FAT3: variants seen among roughly 807,000 people sequenced by gnomAD.
The protein encoded by FAT3 is protocadherin Fat 3.
A neutral mutation model predicts 310.2 loss-of-function variants in FAT3; 95 were observed. That is an observed-to-expected ratio of 0.31 (90% CI 0.26 to 0.36). The LOEUF is 0.36. FAT3 is among the 10% of genes least tolerant of loss of function. The pLI is 1.00. For synonymous variants in FAT3, 2,314 were observed against 2,192.9 expected (o/e 1.06, Z -1.54); for missense variants, 5,408 against 5,715.6 (o/e 0.95, Z 1.74).
chr11:92,551,873 T>C (rs977521562), intron 3 of FAT3, among the ~76,000 whole-genome samples: 1 of 152,214 alleles, frequency 6.6e-6, no homozygotes, highest in African/African-American at 2.4e-5. Context: ...GTGTATAAGA[T>C]AAATCTGTCT....
intron 2 of FAT3, among the ~76,000 whole-genome samples, chr11:92,383,844 A>G (rs58459353): frequency 0.015 from 2,239 of 152,324 alleles, 56 homozygotes; most frequent in African/African-American, 0.052. Context: ...AGAATTAAAA[A>G]GAGTGAGAGA....
At chr11:92,774,808 G>A (rs1842826869) in intron 7 of FAT3, among the ~76,000 whole-genome samples, 1 of 152,158 alleles carries the variant, frequency 6.6e-6, no homozygotes, top group African/African-American at 2.4e-5. Context: ...CTGACATGCA[G>A]CCAGGGTCGA....
intron 20 of FAT3, 108 bp from the exon 21 acceptor site, chr11:92,859,057 T>G (rs923416434): frequency 9.5e-7 from 1 of 1,049,456 alleles, no homozygotes; most frequent in Non-Finnish European, 1.3e-6. Flanking sequence ...TAACTTCTCA[T>G]GCATGGTCTT....
At chr11:92,701,906 C>A (rs909105658) in intron 4 of FAT3, among the ~76,000 whole-genome samples, 2 of 151,902 alleles carry the variant, frequency 1.3e-5, no homozygotes, top group Non-Finnish European at 2.9e-5. Context: ...GTTTTCTTTC[C>A]TTGTTTTTTA....
chr11:92,815,084 T>A (rs192086233), intron 13 of FAT3, among the ~76,000 whole-genome samples: 1 of 152,118 alleles, frequency 6.6e-6, no homozygotes, highest in Non-Finnish European at 1.5e-5. Context: ...GGCCACTTAA[T>A]TAAACAGATG....
At chr11:92,610,996 T>C (rs1188889597) in intron 3 of FAT3, among the ~76,000 whole-genome samples, 2 of 152,186 alleles carry the variant, frequency 1.3e-5, no homozygotes, top group African/African-American at 2.4e-5. Flanking sequence ...TCTTTGACCT[T>C]GAATCTTTCA....
intron 3 of FAT3, among the ~76,000 whole-genome samples, chr11:92,635,226 A>G (rs1341279151): frequency 6.6e-6 from 1 of 152,080 alleles, no homozygotes; most frequent in Non-Finnish European, 1.5e-5. Context: ...TATGATGCTT[A>G]GATTCAGATT....
chr11:92,823,082 G>A (rs1018379709), intron 13 of FAT3, among the ~76,000 whole-genome samples: 10 of 152,144 alleles, frequency 6.6e-5, no homozygotes, highest in African/African-American at 2.2e-4. Flanking sequence ...AATGAGAGCC[G>A]TTTGAGAGCA....
At chr11:92,442,953 G>T (rs1951110907) in intron 2 of FAT3, among the ~76,000 whole-genome samples, 1 of 152,130 alleles carries the variant, frequency 6.6e-6, no homozygotes, top group African/African-American at 2.4e-5. Flanking sequence ...CTGAAACCGT[G>T]CATGATATAT....
At chr11:92,497,094 A>C (rs2135258452) in intron 2 of FAT3, among the ~76,000 whole-genome samples, 1 of 152,106 alleles carries the variant, frequency 6.6e-6, no homozygotes, top group Admixed American at 6.6e-5. Context: ...TTTGTCTGGA[A>C]TTCTATAGCC....
intron 4 of FAT3, among the ~76,000 whole-genome samples, chr11:92,757,511 CTCCTTTCATAT>C (rs1946034431): frequency 6.6e-6 from 1 of 152,154 alleles, no homozygotes; most frequent in Non-Finnish European, 1.5e-5. Flanking sequence ...ACTGCTGCTA[CTCCTTTCATAT>C]GGGCTAATTC....
intron 2 of FAT3, among the ~76,000 whole-genome samples, chr11:92,477,743 C>T (rs1952086314): frequency 1.3e-5 from 2 of 152,232 alleles, no homozygotes; most frequent in South Asian, 4.1e-4. Context: ...GAGTAAATAT[C>T]TAAGGTTGAA....
chr11:92,341,173 C>T (rs1033163812), intron 1 of FAT3, among the ~76,000 whole-genome samples: 16 of 152,124 alleles, frequency 1.1e-4, no homozygotes, highest in African/African-American at 3.1e-4. Flanking sequence ...TTCTTTAAGG[C>T]GTGTCTACAA....
rs150817569 is a variant in FAT3, at chr11:92,737,546, TGAGA to T, written c.3670-24298_3670-24295del. ...GTGTGTGTGTGTGTGTCTGTGTGTG[TGAGA>T]GAGAGAGAGAGGAATGTTTATTCAT... On this transcript the variant is annotated intron_variant, in intron 4 of 27. Coordinates refer to ENST00000525166, the MANE Select transcript of FAT3 (RefSeq NM_001367949.2). Among the ~76,000 whole-genome samples, 94 of 150,742 alleles carry T rather than the reference TGAGA, an allele frequency of 6.2e-4. 1 individual carries two copies. The highest frequency in any genetic ancestry group is 1.2e-3 in the African/African-American group (51 of 41,186).
chr11:92,530,770 A>C (rs1183564700), intron 3 of FAT3, among the ~76,000 whole-genome samples: 1 of 152,112 alleles, frequency 6.6e-6, no homozygotes, highest in Non-Finnish European at 1.5e-5. Flanking sequence ...GTTCAAAAAT[A>C]ATTTGTTATC....
chr11:92,349,451 A>G (rs1483589712), intron 1 of FAT3, among the ~76,000 whole-genome samples: 2 of 152,210 alleles, frequency 1.3e-5, no homozygotes, highest in Non-Finnish European at 2.9e-5. Flanking sequence ...TTTTGCTCCC[A>G]TATTTCAGTT....
At chr11:92,363,190 AT>A (rs1215940782) in intron 2 of FAT3, among the ~76,000 whole-genome samples, 1 of 152,180 alleles carries the variant, frequency 6.6e-6, no homozygotes, top group Non-Finnish European at 1.5e-5. Flanking sequence ...GCTTTTATTT[AT>A]TTAGTTCAAT....
At chr11:92,405,549 G>A (rs777958039) in intron 2 of FAT3, among the ~76,000 whole-genome samples, 8 of 152,156 alleles carry the variant, frequency 5.3e-5, no homozygotes, top group Non-Finnish European at 7.3e-5. Flanking sequence ...TTGAGCCCAA[G>A]AGTTTGAGAC....
chr11:92,708,957 C>T (rs1036495941), intron 4 of FAT3, among the ~76,000 whole-genome samples: 7 of 152,220 alleles, frequency 4.6e-5, no homozygotes, highest in Non-Finnish European at 8.8e-5. Flanking sequence ...TAGATCTCTA[C>T]TATTGGATCC....
Sources: allele counts gnomAD v4.1 joint callset (sites outside exome capture counted in the v4.1 genomes callset), GRCh38; gene constraint gnomAD v4.1.1; transcripts MANE v1.5; gene names NCBI Gene and HGNC (gene_info 2026-07-23, HGNC 2026-07-21).